The following UBE2E1 variants were observed in gnomAD, a reference collection of about 807,000 sequenced individuals.
The protein encoded by UBE2E1 is ubiquitin conjugating enzyme E2 E1.
UBE2E1 carries 6 observed loss-of-function variants against 21.4 expected under a neutral mutation model. The ratio of observed to expected loss-of-function variants is 0.28; its 90% CI spans 0.15 to 0.55. The LOEUF is 0.55. Ranked by LOEUF, UBE2E1 falls within the 20% of genes least tolerant of loss-of-function variation. The pLI, the probability that UBE2E1 is intolerant of heterozygous loss-of-function variation, is 0.93. For missense variants in UBE2E1, 142 were observed against 236.5 expected, an observed-to-expected ratio of 0.60 and a Z score of 2.62; for synonymous variants, 87 against 82.7, an observed-to-expected ratio of 1.05 and a Z score of -0.28.
intron 3 of UBE2E1, among the ~76,000 whole-genome samples, chr3:23,881,974 T>C (rs1274321829): frequency 6.6e-6 from 1 of 152,088 alleles, no homozygotes; most frequent in East Asian, 1.9e-4. Flanking sequence ...TTCCTTCTGG[T>C]GGGTTCGTGG....
chr3:23,815,428 A>C (rs1349811403), intron 3 of UBE2E1, among the ~76,000 whole-genome samples: 2 of 152,248 alleles, frequency 1.3e-5, no homozygotes, highest in African/African-American at 2.4e-5. Context: ...CAAATACAGA[A>C]GTTTGTGGAG....
intron 3 of UBE2E1, among the ~76,000 whole-genome samples, chr3:23,862,325 A>G (rs1015242558): frequency 6.6e-6 from 1 of 152,204 alleles, no homozygotes; most frequent in African/African-American, 2.4e-5. Context: ...CTCTGTACCA[A>G]AAGTTCTTCG....
intron 3 of UBE2E1, among the ~76,000 whole-genome samples, chr3:23,813,050 ATG>A (rs1559474272): frequency 1.3e-5 from 2 of 151,508 alleles, no homozygotes; most frequent in Non-Finnish European, 2.9e-5. Context: ...AACTGAGTTT[ATG>A]TGTGAAAGAT....
intron 3 of UBE2E1, among the ~76,000 whole-genome samples, chr3:23,818,242 C>T (rs1185469867): frequency 2.0e-5 from 3 of 152,104 alleles, no homozygotes; most frequent in African/African-American, 4.8e-5. Flanking sequence ...TTACTTGCTT[C>T]GTTGATCACA....
At chr3:23,845,890 C>T (rs569204975) in intron 3 of UBE2E1, among the ~76,000 whole-genome samples, 47 of 152,170 alleles carry the variant, frequency 3.1e-4, no homozygotes, top group Admixed American at 5.2e-4. Context: ...ATAGTTTTCA[C>T]GTGTCATAAA....
At chr3:23,874,764 A>G (rs1022917989) in intron 3 of UBE2E1, among the ~76,000 whole-genome samples, 4 of 152,162 alleles carry the variant, frequency 2.6e-5, no homozygotes, top group Non-Finnish European at 4.4e-5. Flanking sequence ...TACATGTTTA[A>G]TCTTATAGAG....
At chr3:23,839,680 CT>C (rs1010850123) in intron 3 of UBE2E1, among the ~76,000 whole-genome samples, 1 of 150,250 alleles carries the variant, frequency 6.7e-6, no homozygotes, top group African/African-American at 2.4e-5. Context: ...AAATCTTTGT[CT>C]TTTTTTTTGG....
chr3:23,890,090 C>T (rs1385733784), intron 5 of UBE2E1, among the ~76,000 whole-genome samples: 2 of 152,098 alleles, frequency 1.3e-5, no homozygotes, highest in Non-Finnish European at 2.9e-5. Flanking sequence ...ACTGCAACAG[C>T]CCCGAAGACT....
intron 3 of UBE2E1, among the ~76,000 whole-genome samples, chr3:23,868,771 C>A (rs1480355439): frequency 6.6e-6 from 1 of 151,744 alleles, no homozygotes; most frequent in African/African-American, 2.4e-5. Flanking sequence ...GAGAAAATCC[C>A]CTGCATCTCA....
rs2125283452 is a variant in UBE2E1, at chr3:23,816,669, T to C, written c.203+5159T>C. ...TTGCTGTGAGCAGAGATCGCACCAC[T>C]GCACTCCAGCCTGGGCAACAAAGCG... is the stretch of plus-strand genomic sequence containing the variant. On this transcript the variant is annotated intron_variant, in intron 3 of 5. Coordinates refer to ENST00000306627, the MANE Select transcript of UBE2E1 (RefSeq NM_003341.5). This position sits in a 1 kb window ranked among gnomAD's most constrained non-coding sequence, Gnocchi z 4.8. 6.6e-6 allele frequency among the ~76,000 whole-genome samples: 1 copy of C among 152,222 alleles called. No individual in the cohort carries two copies. Among genetic ancestry groups the C allele is most frequent in the Admixed American group, 6.5e-5 (1 of 15,288 alleles).
intron 3 of UBE2E1, among the ~76,000 whole-genome samples, chr3:23,866,914 T>G (rs1305759151): frequency 6.6e-6 from 1 of 152,220 alleles, no homozygotes; most frequent in Non-Finnish European, 1.5e-5. Flanking sequence ...ACTTTTGTGT[T>G]GAGTCCAAAG....
intron 3 of UBE2E1, among the ~76,000 whole-genome samples, chr3:23,844,719 A>G (rs1240062847): frequency 1.3e-5 from 2 of 152,186 alleles, no homozygotes; most frequent in Non-Finnish European, 2.9e-5. Context: ...AATTTTTGCC[A>G]ATCATACTCT....
intron 3 of UBE2E1, among the ~76,000 whole-genome samples, chr3:23,858,112 G>A (rs954740888): frequency 1.3e-5 from 2 of 152,134 alleles, no homozygotes; most frequent in Non-Finnish European, 2.9e-5. Context: ...AACCTCAGGC[G>A]CTTTCCCTGC....
chr3:23,832,350 T>C (rs905961943), intron 3 of UBE2E1, among the ~76,000 whole-genome samples: 6 of 152,128 alleles, frequency 3.9e-5, no homozygotes, highest in Admixed American at 1.3e-4. Flanking sequence ...AAGAAAAATA[T>C]AGAGGTGTGG....
intron 3 of UBE2E1, among the ~76,000 whole-genome samples, chr3:23,883,282 G>A (rs2125328070): frequency 6.6e-6 from 1 of 152,300 alleles, no homozygotes; most frequent in South Asian, 2.1e-4. Flanking sequence ...GATTATTAAA[G>A]GGTGTACTTA....
At position 23,879,051 on chromosome 3, in the gene UBE2E1, C is replaced by G. The variant is rs1357512863; in HGVS notation, c.204-8516C>G. The G allele has an allele frequency of 9.9e-6, 5 of 504,480 alleles. No individual in the cohort carries two copies. The Admixed American group carries it at 1.1e-4, about 11-fold the overall frequency. The allele number at this position is 504,480 out of a possible 1,614,324, so 31.3% of individuals were successfully genotyped here. A position where few individuals can be genotyped will look rare whatever the true frequency, so the allele number is the denominator to read the frequency against. ...AGGACTTGATGAGCTCAGTTCACCCCTTGCCAACAATGTATCAGTTCCTGA... is the reference window on the plus strand; with the variant it reads ...AGGACTTGATGAGCTCAGTTCACCCGTTGCCAACAATGTATCAGTTCCTGA... On this transcript the variant is annotated intron_variant, in intron 3 of 5. Transcript: ENST00000306627.
At chr3:23,807,027 C>A in intron 1 of UBE2E1, 1 of 415,936 alleles carries the variant, frequency 2.4e-6, no homozygotes, top group South Asian at 4.5e-5. Context: ...AGACCGTTTT[C>A]CCACAGCGTT....
At chr3:23,817,994 G>C (rs917859895) in intron 3 of UBE2E1, among the ~76,000 whole-genome samples, 1 of 152,176 alleles carries the variant, frequency 6.6e-6, no homozygotes, top group African/African-American at 2.4e-5. Context: ...AGGAGACTTG[G>C]AGATTGCTAC....
In UBE2E1 at chr3:23,816,170, T is replaced by C. The variant is rs1221071109; in HGVS notation, c.203+4660T>C. On this transcript the variant is annotated intron_variant, in intron 3 of 5. Coordinates refer to ENST00000306627, the MANE Select transcript of UBE2E1 (RefSeq NM_003341.5). This position sits in a 1 kb window ranked among gnomAD's most constrained non-coding sequence, Gnocchi z 4.8. ...CTCAGAAAGCTAAACAGAATTACCG[T>C]ATGACCCAGTAATTTTACTGCTATC... Among the ~76,000 whole-genome samples, 2 of 152,196 alleles carry C rather than the reference T, an allele frequency of 1.3e-5. No individual in the cohort carries two copies. Among genetic ancestry groups the C allele is most frequent in the African/African-American group, 4.8e-5 (2 of 41,444 alleles).
Sources: allele counts gnomAD v4.1 joint callset (sites outside exome capture counted in the v4.1 genomes callset), GRCh38; gene constraint gnomAD v4.1.1; non-coding constraint Gnocchi (gnomAD v3.1); transcripts MANE v1.5; gene names NCBI Gene and HGNC (gene_info 2026-07-23, HGNC 2026-07-21).